Variants in MACROH2A2 observed in about 807,000 individuals in gnomAD.
The protein encoded by MACROH2A2 is macroH2A.2 histone.
Under a neutral mutation model 37.6 loss-of-function variants are expected in MACROH2A2, and 6 were observed. That is an observed-to-expected ratio of 0.16 (90% CI 0.09 to 0.32). The LOEUF (loss-of-function observed/expected upper bound fraction) is 0.32, where lower values mean the gene tolerates loss of function less well. MACROH2A2 is among the 10% of genes least tolerant of loss of function. The pLI is 1.00. For missense variants in MACROH2A2, 290 were observed against 485.9 expected (o/e 0.60, Z 3.79); for synonymous variants, 192 against 202.7 (o/e 0.95, Z 0.45).
chr10:70,080,885 C>CAAAAAAAA (rs149608498), intron 2 of MACROH2A2, among the ~76,000 whole-genome samples: 9 of 31,986 alleles, frequency 2.8e-4, no homozygotes, highest in African/African-American at 5.5e-4. Flanking sequence ...AACTCCATCT[C>CAAAAAAAA]AAAAAAAAAA....
At position 70,087,986 on chromosome 10, in the gene MACROH2A2, C is replaced by A. The variant is rs1276545048; in HGVS notation, c.173-2074C>A. ...TTGCCGTAGATTTTATGAATGATGGCAATTTCATGTGCTCTTTTATTTGAA... is the reference window on the plus strand; with the variant it reads ...TTGCCGTAGATTTTATGAATGATGGAAATTTCATGTGCTCTTTTATTTGAA... On this transcript the variant is annotated intron_variant, in intron 2 of 8. Transcript: ENST00000373255. Among the ~76,000 whole-genome samples the A allele has an allele frequency of 2.0e-5, 3 of 152,160 alleles. No homozygotes were observed. In the East Asian group the frequency reaches 5.8e-4, roughly 29 times the overall value.
chr10:70,059,503 TG>T (rs1176873181), intron 1 of MACROH2A2, among the ~76,000 whole-genome samples: 1 of 151,926 alleles, frequency 6.6e-6, no homozygotes, highest in Non-Finnish European at 1.5e-5. Flanking sequence ...CCTAAGTAGC[TG>T]GGATTACAGA....
chr10:70,063,601 T>G (rs2136617572), intron 1 of MACROH2A2, among the ~76,000 whole-genome samples: 1 of 152,378 alleles, frequency 6.6e-6, no homozygotes, highest in African/African-American at 2.4e-5. Context: ...CTCAGCAGCA[T>G]ACTCATTTCT....
chr10:70,087,018 C>G (rs1475383133), intron 2 of MACROH2A2, among the ~76,000 whole-genome samples: 1 of 152,044 alleles, frequency 6.6e-6, no homozygotes, highest in Admixed American at 6.5e-5. Flanking sequence ...AAGTAAAACC[C>G]TGTCTCTACA....
intron 8 of MACROH2A2, 137 bp downstream of exon 8, chr10:70,109,344 A>T: frequency 1.4e-6 from 1 of 720,208 alleles, no homozygotes; most frequent in Non-Finnish European, 2.3e-6. Flanking sequence ...CAGGGCAGGA[A>T]ACCCGGTTTT....
chr10:70,067,517 T>C (rs902582066), intron 1 of MACROH2A2, among the ~76,000 whole-genome samples: 4 of 152,162 alleles, frequency 2.6e-5, no homozygotes, highest in African/African-American at 9.7e-5. Context: ...ATGAGCACTA[T>C]ACTCAGTTCT....
intron 1 of MACROH2A2, among the ~76,000 whole-genome samples, chr10:70,062,829 T>C (rs78745697): frequency 0.014 from 2,182 of 152,224 alleles, 54 homozygotes; most frequent in African/African-American, 0.04. Context: ...AGCTAAACTG[T>C]AAGGGTACAA....
At chr10:70,070,472 C>T (rs2072102569) in intron 1 of MACROH2A2, among the ~76,000 whole-genome samples, 2 of 152,084 alleles carry the variant, frequency 1.3e-5, no homozygotes, top group Admixed American at 6.6e-5. Context: ...GCTATTTTAT[C>T]TTCATGAGTG....
intron 1 of MACROH2A2, among the ~76,000 whole-genome samples, chr10:70,068,633 C>T (rs2072091855): frequency 1.3e-5 from 2 of 151,986 alleles, no homozygotes; most frequent in South Asian, 4.1e-4. Context: ...CCCAGCTTTG[C>T]AAGAAAAAAA....
chr10:70,067,106 G>T (rs1029366130), intron 1 of MACROH2A2, among the ~76,000 whole-genome samples: 6 of 152,150 alleles, frequency 3.9e-5, no homozygotes, highest in African/African-American at 1.4e-4. Flanking sequence ...ATTAAACAAG[G>T]TGTCTTTGAA....
At chr10:70,059,506 GA>G (rs959694426) in intron 1 of MACROH2A2, among the ~76,000 whole-genome samples, 23 of 152,034 alleles carry the variant, frequency 1.5e-4, no homozygotes, top group African/African-American at 5.3e-4. Flanking sequence ...AAGTAGCTGG[GA>G]TTACAGACGT....
chr10:70,075,134 C>T lies in MACROH2A2; in HGVS notation c.-59-466C>T, dbSNP rs1003647470. ...CTGTTCTCACATCTCTTACTGCCCA[C>T]TCTGACCCCCTGCCTCCGTCTTCTA... On this transcript the variant is annotated intron_variant, in intron 1 of 8. Coordinates refer to ENST00000373255, the MANE Select transcript of MACROH2A2 (RefSeq NM_018649.3). This position sits in a 1 kb window ranked among gnomAD's most constrained non-coding sequence, Gnocchi z 5.0. 1.3e-5 allele frequency among the ~76,000 whole-genome samples: 2 copies of T among 152,212 alleles called. No individual in the cohort carries two copies. The highest frequency in any genetic ancestry group is 2.9e-5 in the Non-Finnish European group (2 of 68,036).
chr10:70,056,536 A>G (rs2072018416), intron 1 of MACROH2A2, among the ~76,000 whole-genome samples: 1 of 152,272 alleles, frequency 6.6e-6, no homozygotes, highest in African/African-American at 2.4e-5. Context: ...ATGATAATAC[A>G]TAATTAATAC....
intron 1 of MACROH2A2, among the ~76,000 whole-genome samples, chr10:70,067,981 A>C (rs537296752): frequency 3.3e-5 from 5 of 152,320 alleles, no homozygotes; most frequent in South Asian, 2.1e-4. Flanking sequence ...AGGTATAAGC[A>C]TGAGAGTTTT....
chr10:70,069,032 T>TA (rs1236869181), intron 1 of MACROH2A2, among the ~76,000 whole-genome samples: 3 of 152,220 alleles, frequency 2.0e-5, no homozygotes, highest in South Asian at 2.1e-4. Context: ...AGTAAAATGT[T>TA]AAAAAATAAA....
intron 5 of MACROH2A2, 50 bp downstream of exon 5, chr10:70,093,895 A>G (rs758515975): frequency 2.1e-6 from 2 of 951,788 alleles, no homozygotes; most frequent in Non-Finnish European, 1.7e-6. Context: ...CTGTATTTTT[A>G]TAACCTACTG....
At chr10:70,088,131 C>T (rs891616887) in intron 2 of MACROH2A2, among the ~76,000 whole-genome samples, 3 of 151,986 alleles carry the variant, frequency 2.0e-5, no homozygotes, top group Non-Finnish European at 4.4e-5. Flanking sequence ...CACATATGCC[C>T]GCCTGCACAC....
intron 7 of MACROH2A2, among the ~76,000 whole-genome samples, chr10:70,104,519 A>G (rs1303621509): frequency 2.0e-5 from 3 of 152,190 alleles, no homozygotes; most frequent in African/African-American, 7.2e-5. Context: ...TAGTAAAAAT[A>G]CAAAAATTAG....
chr10:70,097,434 C>G (rs1263923429), intron 6 of MACROH2A2, among the ~76,000 whole-genome samples: 1 of 152,152 alleles, frequency 6.6e-6, no homozygotes, highest in Admixed American at 6.6e-5. Flanking sequence ...AGGAGTCCCT[C>G]CCATTACGAT....
Sources: gnomAD v4.1 joint callset for allele counts (sites outside exome capture counted in the v4.1 genomes callset) on GRCh38, gnomAD v4.1.1 for gene constraint, Gnocchi (gnomAD v3.1) non-coding constraint, MANE v1.5 for transcripts, NCBI Gene and HGNC (gene_info 2026-07-23, HGNC 2026-07-21) for gene names.